The following PAXIP1 variants were observed in gnomAD, a reference collection of about 807,000 sequenced individuals.
PAXIP1 encodes the protein PAX interacting protein 1, also known as PAX-interacting protein 1.
Under a neutral mutation model 140.6 loss-of-function variants are expected in PAXIP1, and 19 were observed. The ratio of observed to expected loss-of-function variants is 0.14; its 90% CI spans 0.09 to 0.20. PAXIP1 has a LOEUF of 0.20. Ranked by LOEUF, PAXIP1 falls within the 10% of genes least tolerant of loss-of-function variation. PAXIP1 has a pLI of 1.00. For synonymous variants in PAXIP1, 442 were observed against 444.6 expected (o/e 0.99, Z 0.07); for missense variants, 920 against 1,208.6 (o/e 0.76, Z 3.54).
chr7:154,957,828 G>A (rs547831080), intron 13 of PAXIP1, among the ~76,000 whole-genome samples: 211 of 151,534 alleles, frequency 1.4e-3, no homozygotes, highest in South Asian at 6.5e-3. Flanking sequence ...TTAGCCGGGC[G>A]CGGTGGCAGG....
chr7:154,999,626 A>G (rs1810795199), intron 1 of PAXIP1, among the ~76,000 whole-genome samples: 1 of 152,246 alleles, frequency 6.6e-6, no homozygotes. Flanking sequence ...AGCAAAGTCC[A>G]GACTGAAATG....
chr7:154,962,936 CATATAT>C (rs200899256), intron 9 of PAXIP1, among the ~76,000 whole-genome samples: 3 of 152,042 alleles, frequency 2.0e-5, no homozygotes, highest in Non-Finnish European at 4.4e-5. Context: ...TCATTTGTCA[CATATAT>C]ATATAATCTG....
chr7:154,985,525 T>G (rs990442879), intron 4 of PAXIP1, among the ~76,000 whole-genome samples: 4 of 152,126 alleles, frequency 2.6e-5, no homozygotes, highest in African/African-American at 9.7e-5. Context: ...TCAGCTCAGG[T>G]GGCATTACCA....
At chr7:154,949,036 C>T (rs1808142017) in intron 16 of PAXIP1, 1 of 152,132 alleles carries the variant, frequency 6.6e-6, no homozygotes, top group African/African-American at 2.4e-5. Flanking sequence ...ATGTTTCAAT[C>T]TTCCTATAAA....
At chr7:154,995,947 A>G (rs1171157896) in intron 2 of PAXIP1, among the ~76,000 whole-genome samples, 1 of 152,276 alleles carries the variant, frequency 6.6e-6, no homozygotes, top group African/African-American at 2.4e-5. Context: ...TAATTTTAAA[A>G]GTTTTGGTGC....
At chr7:154,945,529 T>C in intron 20 of PAXIP1, 1 of 985,450 alleles carries the variant, frequency 1.0e-6, no homozygotes, top group Non-Finnish European at 1.2e-6. Context: ...GAAGCAGTCC[T>C]ATCCCAAACA....
chr7:154,990,992 G>A lies in PAXIP1; in HGVS notation c.324+14C>T, dbSNP rs930774248. 2.0e-6 allele frequency: 3 copies of A among 1,514,638 alleles called. No individual in the cohort carries two copies. The highest frequency in any genetic ancestry group is 2.7e-6 in the Non-Finnish European group (3 of 1,117,190). 93.8% of individuals were successfully genotyped at this position (1,514,638 alleles called of 1,614,324 possible). A position where few individuals can be genotyped will look rare whatever the true frequency, so the allele number is the denominator to read the frequency against. ...ACATATAAATAACTCAAGACTAACT[G>A]TAACCATGCTTACCTGAGAAAGGCA... On this transcript the variant is annotated intron_variant, in intron 4 of 20. Coordinates refer to ENST00000404141, the MANE Select transcript of PAXIP1 (RefSeq NM_007349.4).
chr7:154,948,343 C>G (rs991872646), intron 16 of PAXIP1: 4 of 264,090 alleles, frequency 1.5e-5, no homozygotes, highest in Admixed American at 4.7e-5. Flanking sequence ...GCCAGGAGTT[C>G]GAGAACAGCC....
At chr7:154,978,888 A>T (rs1357861189) in intron 5 of PAXIP1, among the ~76,000 whole-genome samples, 4 of 152,226 alleles carry the variant, frequency 2.6e-5, no homozygotes, top group Non-Finnish European at 5.9e-5. Flanking sequence ...AAAGGCTGGG[A>T]TCCAGTAGGC....
At chr7:154,985,745 T>C (rs1343129974) in intron 4 of PAXIP1, among the ~76,000 whole-genome samples, 2 of 152,168 alleles carry the variant, frequency 1.3e-5, no homozygotes, top group Non-Finnish European at 2.9e-5. Flanking sequence ...CCACCCCCAA[T>C]AAGACACTCC....
chr7:154,998,792 A>G lies in PAXIP1; in HGVS notation c.82-8T>C. On this transcript the variant is annotated splice_region_variant and splice_polypyrimidine_tract_variant and intron_variant, in intron 1 of 20. Coordinates refer to ENST00000404141, the MANE Select transcript of PAXIP1 (RefSeq NM_007349.4). ...CTTGAGAAGCTGAATAACCTAAAAA[A>G]CAAGAAAATCCACACAAATTAAAAT... The G allele has an allele frequency of 6.2e-7, 1 of 1,606,488 alleles. No homozygotes were observed. The highest frequency in any genetic ancestry group is 8.5e-7 in the Non-Finnish European group (1 of 1,175,770).
At chr7:154,977,336 A>G (rs899248421) in intron 5 of PAXIP1, among the ~76,000 whole-genome samples, 1 of 152,254 alleles carries the variant, frequency 6.6e-6, no homozygotes, top group Non-Finnish European at 1.5e-5. Context: ...GCAATTCTCT[A>G]GCAAACACAT....
intron 3 of PAXIP1, among the ~76,000 whole-genome samples, chr7:154,993,356 A>G (rs1810435299): frequency 6.6e-6 from 1 of 152,198 alleles, no homozygotes; most frequent in African/African-American, 2.4e-5. Context: ...CATGTTATAA[A>G]TTTTATTCTC....
chr7:154,996,767 A>C (rs1474085321), intron 2 of PAXIP1, among the ~76,000 whole-genome samples: 1 of 152,192 alleles, frequency 6.6e-6, no homozygotes, highest in Admixed American at 6.5e-5. Flanking sequence ...TTATATATAC[A>C]TATTTTAAAG....
At chr7:154,995,025 T>A (rs886076920) in intron 2 of PAXIP1, among the ~76,000 whole-genome samples, 4 of 152,340 alleles carry the variant, frequency 2.6e-5, no homozygotes, top group Admixed American at 1.3e-4. Context: ...AACACCTTCA[T>A]GTAGACCAAG....
chr7:154,972,953 C>T (rs1585060720), intron 6 of PAXIP1, among the ~76,000 whole-genome samples: 1 of 152,216 alleles, frequency 6.6e-6, no homozygotes, highest in East Asian at 1.9e-4. Context: ...ACTGTGTGAT[C>T]GTCACTTTGC....
chr7:154,999,023 G>A (rs1207263706), intron 1 of PAXIP1, among the ~76,000 whole-genome samples: 1 of 152,212 alleles, frequency 6.6e-6, no homozygotes, highest in African/African-American at 2.4e-5. Context: ...AGGCTATTGT[G>A]AGTCCAGTAG....
Position 154,954,257 on chromosome 7 carries a change from A to G in PAXIP1, c.2819T>C (p.Ile940Thr). The G allele has an allele frequency of 2.6e-6, 4 of 1,535,974 alleles. No individual in the cohort carries two copies. Among genetic ancestry groups the G allele is most frequent in the Non-Finnish European group, 3.5e-6 (4 of 1,127,416 alleles). ...LEECFRCQKF[I>T]DEQNYILRDA... ...AAGTTACTGGCGCTGCTCCTTACCA[A>G]TGAACTTCTGACACCTGAAGCATTC... is the stretch of plus-strand genomic sequence containing the variant. The change falls in exon 16 of 21, where the codon ATT becomes ACT. Residue 940 changes from isoleucine (I) to threonine (T), a missense_variant and splice_region_variant. Transcript: ENST00000404141. The surrounding 1 kb of genome is among the most constrained non-coding windows in gnomAD (Gnocchi z 5.1).
chr7:154,968,533 G>C lies in PAXIP1; in HGVS notation c.1668C>G (p.His556Gln), dbSNP rs759033816. The change falls in exon 7 of 21, where the codon CAC (histidine) becomes CAG (glutamine). Residue 556 changes from histidine to glutamine, a missense_variant. Coordinates refer to ENST00000404141, the MANE Select transcript of PAXIP1 (RefSeq NM_007349.4). ...QQQMQSQTAP[H>Q]LSQTSQALQH... The stretch of plus-strand genomic sequence containing the variant: ...GCAGCGCCTGTGACGTCTGACTCAA[G>C]TGTGGCGCTGTCTGACTTTGCATCT... The C allele has an allele frequency of 2.6e-6, 2 of 760,402 alleles. No homozygotes were observed. The highest frequency in any genetic ancestry group is 4.7e-6 in the Non-Finnish European group (2 of 424,692). 47.1% of individuals were successfully genotyped at this position (760,402 alleles called of 1,614,324 possible).
Sources: gnomAD v4.1 joint callset for allele counts (sites outside exome capture counted in the v4.1 genomes callset) on GRCh38, gnomAD v4.1.1 for gene constraint, Gnocchi (gnomAD v3.1) non-coding constraint, MANE v1.5 for transcripts, NCBI Gene and HGNC (gene_info 2026-07-23, HGNC 2026-07-21) for gene names.